Variants in MAST4 observed in about 807,000 individuals in gnomAD.
MAST4 encodes the protein microtubule associated serine/threonine kinase family member 4.
In MAST4, 89 loss-of-function variants were observed where a neutral mutation model predicts 162.7. The observed-to-expected ratio is 0.55, with a 90% CI of 0.46 to 0.65. MAST4 has a LOEUF of 0.65. Ranked by LOEUF, MAST4 falls within the 30% of genes least tolerant of loss-of-function variation. MAST4 has a pLI of 0.00. For synonymous variants in MAST4, 1,479 were observed against 1,361.1 expected (o/e 1.09, Z -1.91); for missense variants, 3,153 against 3,374.0 (o/e 0.93, Z 1.62).
At chr5:67,105,518 T>C (rs774467060) in intron 10 of MAST4, among the ~76,000 whole-genome samples, 9 of 152,194 alleles carry the variant, frequency 5.9e-5, no homozygotes, top group Non-Finnish European at 1.2e-4. Context: ...ATTTCTCACA[T>C]TGCAACCAAC....
Position 67,164,622 on chromosome 5 carries a change from G to C in MAST4, c.5443G>C (p.Ala1815Pro). 1 of 1,613,970 alleles carries C rather than the reference G, an allele frequency of 6.2e-7. No homozygotes were observed. Among genetic ancestry groups the C allele is most frequent in the Non-Finnish European group, 8.5e-7 (1 of 1,179,888 alleles). The change falls in exon 29 of 29, where the codon GCC becomes CCC. Residue 1815 changes from alanine to proline, a missense_variant. Transcript: ENST00000403625. This position sits in a 1 kb window ranked among gnomAD's most constrained non-coding sequence, Gnocchi z 5.3. The part of the protein sequence containing the change: ...LDIALLSGPQ[A>P]SKTELPSPES... ...CATTGCTCTCCTGTCCGGACCTCAGGCCTCCAAGACAGAACTGCCTTCCCC... is the reference window on the plus strand; with the variant it reads ...CATTGCTCTCCTGTCCGGACCTCAGCCCTCCAAGACAGAACTGCCTTCCCC...
At chr5:66,851,322 A>AGAG (rs1491540078) in intron 3 of MAST4, among the ~76,000 whole-genome samples, 2 of 152,210 alleles carry the variant, frequency 1.3e-5, no homozygotes, top group African/African-American at 2.4e-5. Context: ...GAAGAGAAAA[A>AGAG]GAGTTGGGTA....
chr5:66,749,638 G>A (rs890919691), intron 1 of MAST4, among the ~76,000 whole-genome samples: 27 of 152,186 alleles, frequency 1.8e-4, no homozygotes, highest in African/African-American at 5.8e-4. Context: ...GTCATTCATG[G>A]TGCACTTCCT....
chr5:66,629,102 G>C (rs1697852198), intron 1 of MAST4, among the ~76,000 whole-genome samples: 1 of 152,144 alleles, frequency 6.6e-6, no homozygotes, highest in Non-Finnish European at 1.5e-5. Flanking sequence ...AAGTTGAGTG[G>C]GAGAGTGCAG....
rs555941676 is a variant in MAST4, at chr5:66,623,523, A to G, written c.363+26505A>G. 6.6e-5 allele frequency among the ~76,000 whole-genome samples: 10 copies of G among 152,354 alleles called. 1 individual carries two copies. The highest frequency in any genetic ancestry group is 2.4e-4 in the African/African-American group (10 of 41,580). The stretch of plus-strand genomic sequence containing the variant: ...ATGATATGCCACATTCACAGCATAG[A>G]AGATAAAAACATCATTTCATCAGAT... On this transcript the variant is annotated intron_variant, in intron 1 of 28. Coordinates refer to ENST00000403625, the MANE Select transcript of MAST4 (RefSeq NM_001164664.2).
At chr5:66,792,993 C>A (rs79013349) in intron 3 of MAST4, among the ~76,000 whole-genome samples, 4 of 152,008 alleles carry the variant, frequency 2.6e-5, no homozygotes, top group African/African-American at 9.7e-5. Flanking sequence ...AAGTATAGGC[C>A]CTCAACGTGA....
chr5:67,140,938 TCA>T (rs1308518044), intron 19 of MAST4, among the ~76,000 whole-genome samples: 2 of 152,214 alleles, frequency 1.3e-5, no homozygotes, highest in Non-Finnish European at 2.9e-5. Flanking sequence ...GGTAGTTTCC[TCA>T]CTTTGCTGTT....
At chr5:66,697,870 T>C (rs1749504340) in intron 1 of MAST4, among the ~76,000 whole-genome samples, 1 of 152,188 alleles carries the variant, frequency 6.6e-6, no homozygotes, top group South Asian at 2.1e-4. Context: ...CCTAATAACA[T>C]TTATGAGTAC....
intron 6 of MAST4, among the ~76,000 whole-genome samples, chr5:67,090,885 C>T (rs1763794907): frequency 6.6e-6 from 1 of 151,926 alleles, no homozygotes; most frequent in African/African-American, 2.4e-5. Flanking sequence ...TTGTCTGCTT[C>T]GCCCTGTCAG....
At chr5:66,742,738 G>T (rs192529262) in intron 1 of MAST4, among the ~76,000 whole-genome samples, 1 of 152,246 alleles carries the variant, frequency 6.6e-6, no homozygotes, top group Admixed American at 6.5e-5. Flanking sequence ...TTGTGCTCTT[G>T]TAACCTACAG....
At chr5:66,892,340 A>G (rs1370305645) in intron 3 of MAST4, among the ~76,000 whole-genome samples, 3 of 152,166 alleles carry the variant, frequency 2.0e-5, no homozygotes, top group Admixed American at 2.0e-4. Context: ...GCATACTTTG[A>G]AAAGACCTCT....
chr5:66,979,257 A>G (rs1374303544), intron 4 of MAST4, among the ~76,000 whole-genome samples: 2 of 152,200 alleles, frequency 1.3e-5, no homozygotes, highest in Admixed American at 1.3e-4. Flanking sequence ...TATATAATGT[A>G]GATGAAGGTG....
At position 67,066,856 on chromosome 5, in the gene MAST4, G is replaced by T. The variant is rs142553778; in HGVS notation, c.763+12364G>T. Among the ~76,000 whole-genome samples, 363 of 152,266 alleles carry T rather than the reference G, an allele frequency of 2.4e-3. 1 individual carries two copies. Among genetic ancestry groups the T allele is most frequent in the African/African-American group, 8.4e-3 (348 of 41,538 alleles). ...GCCAGAGATTGTATCCACAGGAAAT[G>T]CTCTTTAATGCTTGCTGCAAATGAC... is the stretch of plus-strand genomic sequence containing the variant. On this transcript the variant is annotated intron_variant, in intron 5 of 28. Transcript: ENST00000403625.
intron 4 of MAST4, among the ~76,000 whole-genome samples, chr5:67,050,074 C>T (rs1757980844): frequency 6.6e-6 from 1 of 152,174 alleles, no homozygotes; most frequent in Non-Finnish European, 1.5e-5. Flanking sequence ...ACCTCCTTTC[C>T]CACCTGCCTC....
intron 3 of MAST4, among the ~76,000 whole-genome samples, chr5:66,794,766 A>G (rs1260526860): frequency 6.6e-6 from 1 of 152,194 alleles, no homozygotes; most frequent in East Asian, 1.9e-4. Context: ...GCTTAATTTT[A>G]TGTTTCTTTA....
intron 6 of MAST4, among the ~76,000 whole-genome samples, chr5:67,094,420 G>A (rs1186084226): frequency 6.6e-6 from 1 of 152,056 alleles, no homozygotes; most frequent in Non-Finnish European, 1.5e-5. Flanking sequence ...TGTATCCCTG[G>A]TAAATTTTGT....
Position 66,675,990 on chromosome 5 carries a change from G to A in MAST4, c.363+78972G>A, listed in dbSNP as rs576789566. Among the ~76,000 whole-genome samples the A allele has an allele frequency of 7.2e-5, 11 of 152,334 alleles. No individual in the cohort carries two copies. In the South Asian group the frequency reaches 2.3e-3, roughly 32 times the overall value. ...CAGTGTGTTAGTGGGAATCACGTGT[G>A]TCCATCACAAGGTAGAGATTTGCCT... On this transcript the variant is annotated intron_variant, in intron 1 of 28. Transcript: ENST00000403625.
intron 2 of MAST4, among the ~76,000 whole-genome samples, chr5:66,773,007 C>A (rs1174438140): frequency 6.6e-6 from 1 of 152,188 alleles, no homozygotes; most frequent in Non-Finnish European, 1.5e-5. Flanking sequence ...TCTATCAGAG[C>A]TGCTGGTAGG....
intron 14 of MAST4, among the ~76,000 whole-genome samples, chr5:67,129,504 G>A (rs1057288914): frequency 2.0e-5 from 3 of 152,044 alleles, no homozygotes; most frequent in African/African-American, 7.2e-5. Context: ...CAGATCACTT[G>A]AGGTCAGGAG....
Sources: gnomAD v4.1 joint callset for allele counts (sites outside exome capture counted in the v4.1 genomes callset) on GRCh38, gnomAD v4.1.1 for gene constraint, Gnocchi (gnomAD v3.1) non-coding constraint, MANE v1.5 for transcripts, NCBI Gene and HGNC (gene_info 2026-07-23, HGNC 2026-07-21) for gene names.